NF1: variants seen among roughly 807,000 people sequenced by gnomAD.
The protein encoded by NF1 is neurofibromin 1.
NF1 carries 122 observed loss-of-function variants against 325.7 expected under a neutral mutation model. The observed-to-expected ratio is 0.37, with a 90% confidence interval of 0.32 to 0.44. The LOEUF (loss-of-function observed/expected upper bound fraction) is 0.44, where lower values mean the gene tolerates loss of function less well. Among genes scored for constraint, NF1 ranks in the 20% least tolerant of loss-of-function variants. The pLI, the probability that NF1 is intolerant of heterozygous loss-of-function variation, is 1.00. For missense variants in NF1, 2,140 were observed against 3,415.4 expected (o/e 0.63, Z 9.31); for synonymous variants, 1,091 against 1,186.0 (o/e 0.92, Z 1.65).
chr17:31,128,734 A>G (rs1347114077), intron 1 of NF1, among the ~76,000 whole-genome samples: 1 of 151,986 alleles, frequency 6.6e-6, no homozygotes, highest in Admixed American at 6.6e-5. Flanking sequence ...CATCCTGGCT[A>G]ACACCGTGAA....
In NF1 at chr17:31,359,028, A is replaced by G. The variant is rs2070341050; in HGVS notation, c.8160+13A>G. 1 of 1,612,688 alleles carries G rather than the reference A, an allele frequency of 6.2e-7. No homozygotes were observed. The highest frequency in any genetic ancestry group is 8.5e-7 in the Non-Finnish European group (1 of 1,179,202). On this transcript the variant is annotated intron_variant, in intron 56 of 57. Coordinates refer to ENST00000358273, the MANE Select transcript of NF1 (RefSeq NM_001042492.3). ...ACCGTTTTCAAAGGTAAGAAAATAT[A>G]TTTTTCTCTAACTTTTGGCAAAATG...
At chr17:31,115,117 G>A (rs1419754039) in intron 1 of NF1, among the ~76,000 whole-genome samples, 1 of 152,052 alleles carries the variant, frequency 6.6e-6, no homozygotes, top group African/African-American at 2.4e-5. Context: ...GTGGTTCTTA[G>A]GACAGTTTTA....
chr17:31,148,752 C>T (rs980198427), intron 1 of NF1, among the ~76,000 whole-genome samples: 2 of 152,142 alleles, frequency 1.3e-5, no homozygotes, highest in African/African-American at 4.8e-5. Flanking sequence ...TATTTAGTTC[C>T]TCTCTTTATA....
intron 48 of NF1, among the ~76,000 whole-genome samples, chr17:31,343,551 T>A (rs968273752): frequency 2.0e-5 from 3 of 151,932 alleles, no homozygotes; most frequent in Non-Finnish European, 4.4e-5. Flanking sequence ...TCTCAAAAAA[T>A]AAATAAATAA....
chr17:31,127,554 G>T, intron 1 of NF1, among the ~76,000 whole-genome samples: 1 of 148,292 alleles, frequency 6.7e-6, no homozygotes, highest in Non-Finnish European at 1.5e-5. Flanking sequence ...TTTTCTGATT[G>T]TATATAGAAA....
intron 1 of NF1, among the ~76,000 whole-genome samples, chr17:31,121,392 A>ATTTTTTTTTT (rs1914414877): frequency 1.7e-5 from 2 of 115,642 alleles, no homozygotes; most frequent in African/African-American, 7.5e-5. Context: ...GCAAATCACT[A>ATTTTTTTTTT]TTCTTTTTTT....
At position 31,338,157 on chromosome 17, in the gene NF1, A is replaced by G. The variant is rs1333969314; in HGVS notation, c.6819+18A>G. 1 of 1,509,194 alleles carries G rather than the reference A, an allele frequency of 6.6e-7. No homozygotes were observed. 93.5% of individuals were successfully genotyped at this position (1,509,194 alleles called of 1,614,324 possible). ...TTAGCAAGGTACCTGTTCCGCCCTC[A>G]CTTCTCCCAAATATTTATGGTTCTC... On this transcript the variant is annotated intron_variant, in intron 45 of 57. Coordinates refer to ENST00000358273, the MANE Select transcript of NF1 (RefSeq NM_001042492.3).
chr17:31,179,754 A>G (rs1305145851), intron 5 of NF1, among the ~76,000 whole-genome samples: 1 of 151,882 alleles, frequency 6.6e-6, no homozygotes, highest in African/African-American at 2.4e-5. Flanking sequence ...CTGCACTCCA[A>G]CCTGGGCGAC....
chr17:31,159,810 TC>T (rs1198177136), intron 3 of NF1, among the ~76,000 whole-genome samples: 1 of 152,212 alleles, frequency 6.6e-6, no homozygotes, highest in Non-Finnish European at 1.5e-5. Context: ...ATCTGCCTAA[TC>T]CATGTGTATT....
chr17:31,320,481 GGTT>G lies in NF1; in HGVS notation c.4836-5335_4836-5333del, dbSNP rs1185082094. 2.6e-6 allele frequency: 4 copies of G among 1,518,810 alleles called. No homozygotes were observed. The African/African-American group carries it at 4.1e-5, about 16-fold the overall frequency. The allele number at this position is 1,518,810 out of a possible 1,614,324, so 94.1% of individuals were successfully genotyped here. ...TGAACATCAAGGTTTTATAAGAAAT[GGTT>G]GTTATATGTCATTGGCTGACATTTG... On this transcript the variant is annotated intron_variant, in intron 36 of 57. Transcript: ENST00000358273.
chr17:31,202,390 C>A (rs973165955), intron 11 of NF1, among the ~76,000 whole-genome samples: 3 of 152,200 alleles, frequency 2.0e-5, no homozygotes, highest in African/African-American at 7.2e-5. Context: ...AATAACCCTT[C>A]ACCTCATTTG....
chr17:31,265,976 C>T (rs549087776), intron 36 of NF1, among the ~76,000 whole-genome samples: 3 of 152,100 alleles, frequency 2.0e-5, no homozygotes, highest in East Asian at 1.9e-4. Context: ...TTCATTTTAC[C>T]TTCCTTTTGA....
In NF1 at chr17:31,235,745, C is replaced by G. The variant is rs150426576; in HGVS notation, c.3843C>G (p.Ala1281=). ...MQTLFRGNSL[A]SKIMTFCFKV... ...CTCTCTTCCGAGGCAACAGCTTGGC[C>G]AGTAAAATAATGACATTCTGTTTCA... The change falls in exon 28 of 58, where the codon GCC becomes GCG. Residue 1281 remains alanine (A), a synonymous_variant. Transcript: ENST00000358273. 6.2e-7 allele frequency: 1 copy of G among 1,614,046 alleles called. No homozygotes were observed. The highest frequency in any genetic ancestry group is 8.5e-7 in the Non-Finnish European group (1 of 1,179,998).
intron 1 of NF1, among the ~76,000 whole-genome samples, chr17:31,145,336 G>A (rs543940334): frequency 2.0e-5 from 3 of 152,262 alleles, no homozygotes; most frequent in South Asian, 2.1e-4. Flanking sequence ...GGGACTGCAC[G>A]CATGTACCAC....
rs201144934 is a variant in NF1, at chr17:31,279,694, GA to G, written c.4835+14357del. ...GAGGCCTAATTGTGAGTACCTTCTA[GA>G]ATTGTATATAAGCATGATTCTCTTC... On this transcript the variant is annotated intron_variant, in intron 36 of 57. Transcript: ENST00000358273. Among the ~76,000 whole-genome samples, 1,285 of 151,954 alleles carry G rather than the reference GA, an allele frequency of 8.5e-3. 27 individuals carry two copies. Among genetic ancestry groups the G allele is most frequent in the African/African-American group, 0.03 (1,227 of 41,450 alleles).
chr17:31,162,707 C>T (rs2065783550), intron 3 of NF1, among the ~76,000 whole-genome samples: 1 of 152,224 alleles, frequency 6.6e-6, no homozygotes, highest in Middle Eastern at 3.4e-3. Context: ...AAGATTTCAA[C>T]CAAAATAAAA....
chr17:31,234,697 G>A (rs201760941), intron 27 of NF1, among the ~76,000 whole-genome samples: 866 of 97,068 alleles, frequency 8.9e-3, no homozygotes, highest in Middle Eastern at 0.023. Context: ...AAAAAAAAAA[G>A]AATCATTTAG....
chr17:31,222,620 A>T lies in NF1; in HGVS notation c.1721+691A>T, dbSNP rs544275342. The T allele has an allele frequency of 9.8e-6, 7 of 716,884 alleles. No individual in the cohort carries two copies. The South Asian group carries it at 3.8e-4, about 39-fold the overall frequency. 44.4% of individuals were successfully genotyped at this position (716,884 alleles called of 1,614,324 possible). ...TAAAAACTTTTTTACTTACTACATT[A>T]AAGAGTAAAAAGAAGCAGGTAAAAT... On this transcript the variant is annotated intron_variant, in intron 15 of 57. Transcript: ENST00000358273.
intron 51 of NF1, among the ~76,000 whole-genome samples, chr17:31,353,516 A>G (rs1377976928): frequency 6.6e-6 from 1 of 152,138 alleles, no homozygotes; most frequent in Non-Finnish European, 1.5e-5. Context: ...CTCTAGTCCC[A>G]GCTACTTGGG....
Sources: allele counts gnomAD v4.1 joint callset (sites outside exome capture counted in the v4.1 genomes callset), GRCh38; gene constraint gnomAD v4.1.1; transcripts MANE v1.5; gene names NCBI Gene and HGNC (gene_info 2026-07-23, HGNC 2026-07-21).